Variants in MRTFB observed in about 807,000 individuals in gnomAD.
MRTFB encodes myocardin related transcription factor B, also known as myocardin-related transcription factor B.
Under a neutral mutation model 104.2 loss-of-function variants are expected in MRTFB, and 29 were observed. That is an observed-to-expected ratio of 0.28 (90% CI 0.21 to 0.38). The LOEUF is 0.38. MRTFB is among the 10% of genes least tolerant of loss of function. The pLI is 1.00. For missense variants in MRTFB, 1,270 were observed against 1,341.6 expected (o/e 0.95, Z 0.83); for synonymous variants, 535 against 519.5 (o/e 1.03, Z -0.41).
intron 3 of MRTFB, chr16:14,149,465 C>T (rs1160276225): frequency 6.6e-6 from 1 of 152,230 alleles, no homozygotes; most frequent in Non-Finnish European, 1.5e-5. Flanking sequence ...CCCTCTTTGA[C>T]AGAAGCCTTG....
chr16:14,128,926 A>G (rs1333511969), intron 2 of MRTFB, among the ~76,000 whole-genome samples: 2 of 152,120 alleles, frequency 1.3e-5, no homozygotes, highest in African/African-American at 4.8e-5. Flanking sequence ...ATCACCCAAA[A>G]ATCTCCTTGT....
chr16:14,009,400 A>C, the MRTFB span: 2 of 152,116 alleles, frequency 1.3e-5, no homozygotes, highest in South Asian at 4.1e-4. Context: ...TAGTCATTCA[A>C]ATAGTTTTTG....
the MRTFB span, among the ~76,000 whole-genome samples, chr16:14,058,687 AT>A: frequency 3.1e-5 from 3 of 96,074 alleles, no homozygotes; most frequent in African/African-American, 3.8e-5. Flanking sequence ...AAACATATTT[AT>A]TTATTTATTT....
At chr16:14,200,895 G>T (rs1049014828) in intron 3 of MRTFB, 5 of 1,451,226 alleles carry the variant, frequency 3.4e-6, no homozygotes, top group South Asian at 2.3e-5. Flanking sequence ...GCAGCAGAAA[G>T]AATTTAACCA....
At position 14,072,500 on chromosome 16, in the gene MRTFB, T is replaced by C. The variant is rs1302586309; in HGVS notation, c.-129+1135T>C. Among the ~76,000 whole-genome samples, 6 of 152,134 alleles carry C rather than the reference T, an allele frequency of 3.9e-5. No homozygotes were observed. The East Asian group carries it at 1.2e-3, about 29-fold the overall frequency. ...TTCAAACAAGAGCAAGCCTGGGCAA[T>C]ATAGCGAGATCCCACCTGTACAAAA... On this transcript the variant is annotated intron_variant, in intron 1 of 16. Coordinates refer to ENST00000571589, the MANE Select transcript of MRTFB (RefSeq NM_001308142.2).
chr16:14,124,828 G>A (rs927482903), intron 2 of MRTFB, among the ~76,000 whole-genome samples: 25 of 152,272 alleles, frequency 1.6e-4, no homozygotes, highest in African/African-American at 6.0e-4. Context: ...GAACAGTTTC[G>A]GAAGGAATGT....
intron 15 of MRTFB, among the ~76,000 whole-genome samples, chr16:14,257,567 C>T (rs532734958): frequency 2.0e-5 from 3 of 151,150 alleles, no homozygotes; most frequent in African/African-American, 4.9e-5. Context: ...CAAACAGATC[C>T]GGGGGTTGCC....
At chr16:14,025,570 C>A in the MRTFB span, among the ~76,000 whole-genome samples, 1 of 152,162 alleles carries the variant, frequency 6.6e-6, no homozygotes, top group Admixed American at 6.5e-5. Context: ...GGAGCCCAGT[C>A]CTAGGTCATC....
chr16:14,193,862 A>G (rs1268520080), intron 3 of MRTFB: 1 of 152,182 alleles, frequency 6.6e-6, no homozygotes, highest in Non-Finnish European at 1.5e-5. Flanking sequence ...GTATTTCATC[A>G]TATCAGTCTC....
At chr16:14,139,073 A>G (rs147820269) in intron 2 of MRTFB, among the ~76,000 whole-genome samples, 1,894 of 152,340 alleles carry the variant, frequency 0.012, 36 homozygotes, top group African/African-American at 0.042. Context: ...AAAATTGATC[A>G]TTAGTGGATT....
At chr16:14,205,495 TG>T (rs1438139353) in intron 3 of MRTFB, among the ~76,000 whole-genome samples, 2 of 152,240 alleles carry the variant, frequency 1.3e-5, no homozygotes, top group Non-Finnish European at 2.9e-5. Context: ...TTTTTATATC[TG>T]TCCCCCTTTT....
intron 13 of MRTFB, among the ~76,000 whole-genome samples, chr16:14,249,813 G>C (rs1474416211): frequency 1.3e-5 from 2 of 152,194 alleles, no homozygotes; most frequent in African/African-American, 4.8e-5. Flanking sequence ...TAATCCCAGA[G>C]TTTTACTCTT....
intron 3 of MRTFB, chr16:14,200,545 C>T: frequency 1.9e-6 from 3 of 1,607,118 alleles, no homozygotes; most frequent in South Asian, 2.2e-5. Context: ...GCTTTATTAC[C>T]TGTATGGTAA....
intron 3 of MRTFB, among the ~76,000 whole-genome samples, chr16:14,182,234 G>T (rs761834754): frequency 6.6e-6 from 1 of 152,174 alleles, no homozygotes; most frequent in Non-Finnish European, 1.5e-5. Flanking sequence ...CTAGGCAGCT[G>T]CCCCGTGGGA....
the MRTFB span, among the ~76,000 whole-genome samples, chr16:14,023,614 CAT>C: frequency 4.4e-3 from 249 of 56,504 alleles, 3 homozygotes; most frequent in East Asian, 0.068. Context: ...CACACACATA[CAT>C]ATACATATAC....
chr16:14,096,295 A>T (rs1016033472), intron 2 of MRTFB, among the ~76,000 whole-genome samples: 7 of 151,536 alleles, frequency 4.6e-5, no homozygotes, highest in African/African-American at 1.7e-4. Flanking sequence ...CTGGTCTCAA[A>T]CTCCTGACCT....
intron 2 of MRTFB, among the ~76,000 whole-genome samples, chr16:14,134,365 C>T (rs1040196036): frequency 6.6e-6 from 1 of 152,158 alleles, no homozygotes; most frequent in Non-Finnish European, 1.5e-5. Context: ...GAATTATAAC[C>T]TAGCAACAAA....
chr16:14,140,886 A>G, intron 3 of MRTFB, 126 bp downstream of exon 3: 2 of 960,114 alleles, frequency 2.1e-6, no homozygotes, highest in East Asian at 2.5e-5. Flanking sequence ...AGAACCCTGT[A>G]GAGGTACTGG....
chr16:14,110,760 T>C (rs532337052), intron 2 of MRTFB, among the ~76,000 whole-genome samples: 1 of 152,250 alleles, frequency 6.6e-6, no homozygotes, highest in South Asian at 2.1e-4. Flanking sequence ...CAGGCTTTAG[T>C]TATATTTGTC....
Sources: allele counts gnomAD v4.1 joint callset (sites outside exome capture counted in the v4.1 genomes callset), GRCh38; gene constraint gnomAD v4.1.1; transcripts MANE v1.5; gene names NCBI Gene and HGNC (gene_info 2026-07-23, HGNC 2026-07-21).